CDCA2: variants seen among roughly 807,000 people sequenced by gnomAD.
The protein encoded by CDCA2 is cell division cycle associated 2.
Under a neutral mutation model 67.0 loss-of-function variants are expected in CDCA2, and 44 were observed. The ratio of observed to expected loss-of-function variants is 0.66; its 90% confidence interval spans 0.52 to 0.84. The LOEUF (loss-of-function observed/expected upper bound fraction) is 0.84, where lower values mean the gene tolerates loss of function less well. Ranked by LOEUF, CDCA2 falls within the 40% of genes least tolerant of loss-of-function variation. The pLI is 0.00. For missense variants in CDCA2, 1,253 were observed against 1,203.2 expected (o/e 1.04, Z -0.61); for synonymous variants, 447 against 418.7 (o/e 1.07, Z -0.82).
At chr8:25,506,456 T>G in intron 14 of CDCA2, 54 bp from the exon 15 acceptor site, 1 of 1,430,916 alleles carries the variant, frequency 7.0e-7, no homozygotes, top group East Asian at 2.4e-5. Flanking sequence ...AAATGTAAAG[T>G]TCATTCCCAT....
chr8:25,488,879 T>C (rs538838561), intron 13 of CDCA2, among the ~76,000 whole-genome samples, 190 bp downstream of exon 13: 1 of 152,270 alleles, frequency 6.6e-6, no homozygotes, highest in African/African-American at 2.4e-5. Context: ...GGAACACTTT[T>C]GCGTCTTCTT....
At chr8:25,467,685 A>T (rs551156690) in intron 5 of CDCA2, among the ~76,000 whole-genome samples, 13 of 152,306 alleles carry the variant, frequency 8.5e-5, no homozygotes, top group African/African-American at 3.1e-4. Flanking sequence ...CTTAATTCTA[A>T]TAATATGAAT....
At chr8:25,496,325 C>T (rs374941451) in intron 13 of CDCA2, among the ~76,000 whole-genome samples, 2 of 152,196 alleles carry the variant, frequency 1.3e-5, no homozygotes, top group African/African-American at 2.4e-5. Context: ...GATACCCACT[C>T]ATTTTTCTGA....
At chr8:25,504,162 A>G (rs1186313972) in intron 14 of CDCA2, among the ~76,000 whole-genome samples, 1 of 152,218 alleles carries the variant, frequency 6.6e-6, no homozygotes, top group Non-Finnish European at 1.5e-5. Flanking sequence ...GAGCTTGATT[A>G]CCTTGAAAGT....
chr8:25,504,990 G>GTA (rs1188197301), intron 14 of CDCA2, among the ~76,000 whole-genome samples: 1 of 152,090 alleles, frequency 6.6e-6, no homozygotes, highest in East Asian at 1.9e-4. Context: ...TTTCCATGTT[G>GTA]TATCGTATTA....
At chr8:25,482,388 G>T (rs1803605375) in intron 8 of CDCA2, among the ~76,000 whole-genome samples, 1 of 152,058 alleles carries the variant, frequency 6.6e-6, no homozygotes, top group Non-Finnish European at 1.5e-5. Context: ...CATTTACATA[G>T]TTTTCCTCAT....
At chr8:25,474,277 T>C (rs1245710924) in intron 7 of CDCA2, among the ~76,000 whole-genome samples, 2 of 152,226 alleles carry the variant, frequency 1.3e-5, no homozygotes, top group African/African-American at 2.4e-5. Context: ...AGGGTAGTGC[T>C]AACCTTGTAA....
chr8:25,479,150 A>G (rs953353384), intron 7 of CDCA2, among the ~76,000 whole-genome samples: 6 of 152,148 alleles, frequency 3.9e-5, no homozygotes, highest in Non-Finnish European at 8.8e-5. Context: ...GTTTTATCAC[A>G]TGTGGATTCA....
chr8:25,497,010 A>C (rs191024207), intron 13 of CDCA2, among the ~76,000 whole-genome samples: 2 of 152,194 alleles, frequency 1.3e-5, no homozygotes, highest in African/African-American at 2.4e-5. Context: ...TAGAAAAAAA[A>C]CTCACTGGCC....
chr8:25,491,730 C>T (rs1804011533), intron 13 of CDCA2, among the ~76,000 whole-genome samples: 1 of 152,082 alleles, frequency 6.6e-6, no homozygotes, highest in Non-Finnish European at 1.5e-5. Flanking sequence ...GATCCTCCCA[C>T]CTCAGCCTCT....
intron 6 of CDCA2, 119 bp downstream of exon 6, chr8:25,468,532 GGT>G (rs3841182): frequency 6.9e-4 from 291 of 424,148 alleles, no homozygotes; most frequent in African/African-American, 4.6e-3. Context: ...TGGTTCCTGG[GGT>G]GTGTGTGTGT....
rs963721126 is a variant in CDCA2, at chr8:25,487,560, T to TA, written c.1533+230dup. 6.6e-5 allele frequency among the ~76,000 whole-genome samples: 10 copies of TA among 152,034 alleles called. 1 individual carries two copies. The highest frequency in any genetic ancestry group is 3.3e-4 in the Admixed American group (5 of 15,254). The stretch of plus-strand genomic sequence containing the variant: ...ATTGAGACCATTCTGGCTAACACGG[T>TA]AAAATCCCATCTCTACTAGAAATAC... On this transcript the variant is annotated intron_variant, in intron 12 of 14. Transcript: ENST00000330560.
chr8:25,462,283 A>T, intron 4 of CDCA2, 75 bp downstream of exon 4: 1 of 1,448,742 alleles, frequency 6.9e-7, no homozygotes, highest in African/African-American at 1.4e-5. Flanking sequence ...CTTCTAGTGC[A>T]TCTGCTCTGT....
chr8:25,480,179 AAAGT>A, intron 8 of CDCA2, 55 bp downstream of exon 8: 1 of 1,361,516 alleles, frequency 7.3e-7, no homozygotes, highest in Non-Finnish European at 1.0e-6. Context: ...ATTTTGCTTC[AAAGT>A]AATACCCTTG....
chr8:25,478,228 G>A (rs547769713), intron 7 of CDCA2, among the ~76,000 whole-genome samples: 2 of 152,182 alleles, frequency 1.3e-5, no homozygotes, highest in South Asian at 4.1e-4. Context: ...CTGCACCCAA[G>A]TGATACCTCC....
At position 25,507,348 on chromosome 8, in the gene CDCA2, G is replaced by A. The variant is rs369021817; in HGVS notation, c.2682G>A (p.Thr894=). The change falls in exon 15 of 15, where the codon ACG becomes ACA. Residue 894 remains threonine (T), a synonymous_variant. Coordinates refer to ENST00000330560, the MANE Select transcript of CDCA2 (RefSeq NM_152562.4). Reference sequence around the variant, plus strand: ...GTGAAACCAAAGTGCGACGTAGCACGAGGCTACAGAAGGATTTAGAAAACG... The same window carrying A: ...GTGAAACCAAAGTGCGACGTAGCACAAGGCTACAGAAGGATTTAGAAAACG... ...RNSETKVRRS[T]RLQKDLENEG... 270 of 1,613,572 alleles carry A rather than the reference G, an allele frequency of 1.7e-4. 1 individual carries two copies. Among genetic ancestry groups the A allele is most frequent in the Middle Eastern group, 1.6e-4 (1 of 6,082 alleles).
chr8:25,479,069 A>G (rs1400170656), intron 7 of CDCA2, among the ~76,000 whole-genome samples: 1 of 152,092 alleles, frequency 6.6e-6, no homozygotes, highest in African/African-American at 2.4e-5. Flanking sequence ...CATTGCTACA[A>G]TCCACCAACT....
chr8:25,496,862 ATC>A (rs1348221600), intron 13 of CDCA2, among the ~76,000 whole-genome samples: 1 of 152,194 alleles, frequency 6.6e-6, no homozygotes, highest in African/African-American at 2.4e-5. Context: ...ATAGAACTGA[ATC>A]TCTAAACAAA....
At chr8:25,483,718 T>A (rs180752378) in intron 9 of CDCA2, among the ~76,000 whole-genome samples, 1 of 152,334 alleles carries the variant, frequency 6.6e-6, no homozygotes, top group Non-Finnish European at 1.5e-5. Context: ...AAAATTTATA[T>A]TTCAATTTTA....
Sources: gnomAD v4.1 joint callset for allele counts (sites outside exome capture counted in the v4.1 genomes callset) on GRCh38, gnomAD v4.1.1 for gene constraint, MANE v1.5 for transcripts, NCBI Gene and HGNC (gene_info 2026-07-23, HGNC 2026-07-21) for gene names.